The following RASAL2 variants were observed in gnomAD, a reference collection of about 807,000 sequenced individuals.
RASAL2 encodes the protein ras GTPase-activating protein nGAP.
Under a neutral mutation model 128.9 loss-of-function variants are expected in RASAL2, and 58 were observed. The observed-to-expected ratio is 0.45, with a 90% CI of 0.36 to 0.56. The LOEUF is 0.56. RASAL2 is among the 20% of genes least tolerant of loss of function. RASAL2 has a pLI of 0.00. For synonymous variants in RASAL2, 561 were observed against 580.8 expected (o/e 0.97, Z 0.49); for missense variants, 1,360 against 1,601.6 (o/e 0.85, Z 2.57).
At chr1:178,398,521 T>G (rs1673404372) in intron 4 of RASAL2, among the ~76,000 whole-genome samples, 2 of 152,208 alleles carry the variant, frequency 1.3e-5, no homozygotes, top group East Asian at 1.9e-4. Flanking sequence ...AGGAGTGTTT[T>G]TATTATATTT....
intron 3 of RASAL2, among the ~76,000 whole-genome samples, chr1:178,308,601 T>G (rs1431295004): frequency 6.7e-6 from 1 of 149,136 alleles, no homozygotes; most frequent in Non-Finnish European, 1.5e-5. Flanking sequence ...ATTACAGTGG[T>G]GTGGTGTAAT....
chr1:178,288,957 C>T (rs971970434), intron 2 of RASAL2, among the ~76,000 whole-genome samples: 6 of 151,956 alleles, frequency 3.9e-5, no homozygotes, highest in Non-Finnish European at 7.4e-5. Context: ...AGCTTTTTTT[C>T]TCATCTGAAA....
chr1:178,146,923 G>A (rs1332290631), intron 1 of RASAL2, among the ~76,000 whole-genome samples: 1 of 152,178 alleles, frequency 6.6e-6, no homozygotes, highest in African/African-American at 2.4e-5. Context: ...CTATATAAAG[G>A]GTTGGCGTGA....
chr1:178,165,274 G>A (rs139710706), intron 1 of RASAL2, among the ~76,000 whole-genome samples: 136 of 152,192 alleles, frequency 8.9e-4, no homozygotes, highest in African/African-American at 2.7e-3. Context: ...TGTACAGTTA[G>A]CCCTCTGCAT....
At chr1:178,424,390 A>G (rs1325466657) in intron 5 of RASAL2, among the ~76,000 whole-genome samples, 1 of 152,002 alleles carries the variant, frequency 6.6e-6, no homozygotes, top group East Asian at 1.9e-4. Flanking sequence ...TTGCAGACAT[A>G]AGCCACTGCC....
intron 1 of RASAL2, chr1:178,194,325 A>G (rs1662588571): frequency 1.3e-5 from 3 of 225,238 alleles, no homozygotes; most frequent in Admixed American, 8.2e-5. Flanking sequence ...ACAAAACTCC[A>G]TAAAAACTGC....
chr1:178,225,440 G>A (rs974906436), intron 1 of RASAL2, among the ~76,000 whole-genome samples: 3 of 151,782 alleles, frequency 2.0e-5, no homozygotes, highest in African/African-American at 7.3e-5. Flanking sequence ...TAGGATCATG[G>A]TCTACTTTTT....
intron 9 of RASAL2, among the ~76,000 whole-genome samples, chr1:178,447,887 G>A (rs2102869652): frequency 6.6e-6 from 1 of 152,116 alleles, no homozygotes; most frequent in East Asian, 1.9e-4. Context: ...TGACTAGGGG[G>A]ATGATGAGAT....
At chr1:178,188,147 ACTTTAATATT>A (rs1298716129) in intron 1 of RASAL2, among the ~76,000 whole-genome samples, 3 of 152,010 alleles carry the variant, frequency 2.0e-5, no homozygotes, top group Non-Finnish European at 4.4e-5. Flanking sequence ...ACTTACATAC[ACTTTAATATT>A]CAACCAATAA....
At chr1:178,313,806 T>C (rs1359390089) in intron 3 of RASAL2, among the ~76,000 whole-genome samples, 1 of 152,186 alleles carries the variant, frequency 6.6e-6, no homozygotes, top group Non-Finnish European at 1.5e-5. Context: ...TAGTAAGATA[T>C]TAAGTTAGCC....
At chr1:178,359,710 A>G (rs1326098686) in intron 3 of RASAL2, among the ~76,000 whole-genome samples, 1 of 152,182 alleles carries the variant, frequency 6.6e-6, no homozygotes, top group Non-Finnish European at 1.5e-5. Context: ...CATTTATTCT[A>G]TGCTGTAGTC....
At chr1:178,230,015 T>G (rs761852328) in intron 1 of RASAL2, among the ~76,000 whole-genome samples, 5 of 152,160 alleles carry the variant, frequency 3.3e-5, no homozygotes, top group Non-Finnish European at 5.9e-5. Context: ...TATTATAGAT[T>G]AGTTTGGTTT....
chr1:178,190,085 GC>G (rs1319780718), intron 1 of RASAL2, among the ~76,000 whole-genome samples: 1 of 142,666 alleles, frequency 7.0e-6, no homozygotes, highest in Non-Finnish European at 1.5e-5. Context: ...CTTTCCTTCA[GC>G]CCCCTACCCC....
chr1:178,361,905 A>G (rs1001106327), intron 3 of RASAL2, among the ~76,000 whole-genome samples: 2 of 152,048 alleles, frequency 1.3e-5, no homozygotes, highest in African/African-American at 2.4e-5. Context: ...ATCATCAGGC[A>G]TTAGATTCTC....
intron 1 of RASAL2, among the ~76,000 whole-genome samples, chr1:178,128,779 A>G (rs554438686): frequency 2.6e-5 from 4 of 152,276 alleles, no homozygotes; most frequent in Admixed American, 2.6e-4. Flanking sequence ...ACATAGAATC[A>G]TAAAATTTGT....
At chr1:178,449,237 T>A (rs563581083) in intron 9 of RASAL2, among the ~76,000 whole-genome samples, 1 of 152,308 alleles carries the variant, frequency 6.6e-6, no homozygotes, top group Admixed American at 6.5e-5. Context: ...CTGCATTGTT[T>A]AGACTTGAAT....
intron 1 of RASAL2, among the ~76,000 whole-genome samples, chr1:178,202,299 G>T (rs1473792627): frequency 6.6e-6 from 1 of 152,148 alleles, no homozygotes; most frequent in Non-Finnish European, 1.5e-5. Flanking sequence ...TTTCACTCCT[G>T]CCACCCTGCC....
chr1:178,234,490 A>G (rs936947435), intron 1 of RASAL2, among the ~76,000 whole-genome samples: 2 of 152,224 alleles, frequency 1.3e-5, no homozygotes, highest in African/African-American at 4.8e-5. Context: ...AGAATTGTCA[A>G]ATTTTTAAAA....
chr1:178,119,948 C>T (rs764697762), intron 1 of RASAL2, among the ~76,000 whole-genome samples: 21 of 152,234 alleles, frequency 1.4e-4, no homozygotes, highest in Non-Finnish European at 2.5e-4. Context: ...CAAACAGGAT[C>T]ACTCTTCACC....
Sources: gnomAD v4.1 joint callset for allele counts (sites outside exome capture counted in the v4.1 genomes callset) on GRCh38, gnomAD v4.1.1 for gene constraint, MANE v1.5 for transcripts, NCBI Gene and HGNC (gene_info 2026-07-23, HGNC 2026-07-21) for gene names.